The following ADNP variants were observed in gnomAD, a reference collection of about 807,000 sequenced individuals.
ADNP encodes the protein activity-dependent neuroprotector homeobox protein.
Under a neutral mutation model 84.9 loss-of-function variants are expected in ADNP, and 4 were observed. That is an observed-to-expected ratio of 0.05 (90% CI 0.02 to 0.11). ADNP has a LOEUF of 0.11. ADNP is among the 10% of genes least tolerant of loss of function. ADNP has a pLI of 1.00. For synonymous variants in ADNP, 554 were observed against 468.1 expected, an observed-to-expected ratio of 1.18 and a Z score of -2.37; for missense variants, 1,132 against 1,326.0, an observed-to-expected ratio of 0.85 and a Z score of 2.27.
At chr20:50,904,184 C>T (rs191694304) in intron 3 of ADNP, 183 bp from the exon 4 acceptor site, 11 of 574,812 alleles carry the variant, frequency 1.9e-5, no homozygotes, top group African/African-American at 1.5e-4. Context: ...TTGATATATC[C>T]ATCCATCCAT....
intron 1 of ADNP, among the ~76,000 whole-genome samples, chr20:50,930,282 T>G (rs1984600733): frequency 6.6e-6 from 1 of 152,092 alleles, no homozygotes; most frequent in African/African-American, 2.4e-5. Context: ...AGAGGAAAGC[T>G]GGCAGGTTGG....
chr20:50,896,927 C>T (rs1174452223), intron 5 of ADNP, among the ~76,000 whole-genome samples: 2 of 152,026 alleles, frequency 1.3e-5, no homozygotes, highest in East Asian at 1.9e-4. Context: ...TATTGAGATC[C>T]ATGTTTTCAA....
chr20:50,892,153 GAATCCT>G lies in ADNP; in HGVS notation c.2555_2560del (p.Lys852_Ser854delinsThr). 2 of 1,614,040 alleles carry G rather than the reference GAATCCT, an allele frequency of 1.2e-6. No homozygotes were observed. Among genetic ancestry groups the G allele is most frequent in the Non-Finnish European group, 1.7e-6 (2 of 1,180,022 alleles). On this transcript the variant is annotated inframe_deletion, in exon 6 of 6. Transcript: ENST00000621696. ...AGCAGTCTTACTAGCATTGACTCTG[GAATCCT>G]TCTCATCATGATTTTCAAATAGCCA...
intron 2 of ADNP, among the ~76,000 whole-genome samples, chr20:50,917,253 A>T (rs768109301): frequency 1.1e-4 from 17 of 152,240 alleles, no homozygotes; most frequent in Non-Finnish European, 1.8e-4. Context: ...TCAAAAATTA[A>T]AAGGCTCAGC....
At chr20:50,925,434 A>G (rs777380056) in intron 2 of ADNP, among the ~76,000 whole-genome samples, 2 of 152,202 alleles carry the variant, frequency 1.3e-5, no homozygotes, top group South Asian at 2.1e-4. Flanking sequence ...AGGTCATAAC[A>G]TAACGCAGGT....
chr20:50,903,214 CAACA>C (rs1982154807), intron 4 of ADNP, among the ~76,000 whole-genome samples: 1 of 151,994 alleles, frequency 6.6e-6, no homozygotes, highest in Non-Finnish European at 1.5e-5. Context: ...GGGCTCTGAC[CAACA>C]AACCATAAGA....
chr20:50,908,035 G>A (rs530696344), intron 2 of ADNP, among the ~76,000 whole-genome samples: 2 of 151,886 alleles, frequency 1.3e-5, no homozygotes, highest in African/African-American at 4.8e-5. Flanking sequence ...AACAAAGTGT[G>A]CCCTCCATGC....
In ADNP at chr20:50,889,503, C is replaced by T. The variant is rs898327541; in HGVS notation, c.*1902G>A. On this transcript the variant is annotated 3_prime_UTR_variant, in exon 6 of 6. Coordinates refer to ENST00000621696, the MANE Select transcript of ADNP (RefSeq NM_001282531.3). The stretch of plus-strand genomic sequence containing the variant: ...AATTCCTTAAAGGTTCTAGTCTACT[C>T]TTGCACTTCTTCCTGTACTGTTGTT... The T allele has an allele frequency of 1.1e-5, 2 of 184,982 alleles. No individual in the cohort carries two copies. Among genetic ancestry groups the T allele is most frequent in the Non-Finnish European group, 1.1e-5 (1 of 90,024 alleles). The allele number at this position is 184,982 out of a possible 1,614,324, so 11.5% of individuals were successfully genotyped here.
chr20:50,923,819 C>CT (rs1398105033), intron 2 of ADNP, among the ~76,000 whole-genome samples: 1 of 152,182 alleles, frequency 6.6e-6, no homozygotes, highest in Middle Eastern at 3.2e-3. Flanking sequence ...CACCCATCCT[C>CT]TTGTTGCTGT....
chr20:50,918,171 T>A lies in ADNP; in HGVS notation c.-90+10480A>T, dbSNP rs1487168618. Among the ~76,000 whole-genome samples, 2 of 152,174 alleles carry A rather than the reference T, an allele frequency of 1.3e-5. 1 individual carries two copies. The highest frequency in any genetic ancestry group is 1.3e-4 in the Admixed American group (2 of 15,278). ...CAATTAAAAATAAACACATTCTTTT[T>A]TTTTAAAGTGGCTACTGGGAAATTT... is the stretch of plus-strand genomic sequence containing the variant. On this transcript the variant is annotated intron_variant, in intron 2 of 5. Transcript: ENST00000621696.
At chr20:50,921,453 G>A (rs1983950890) in intron 2 of ADNP, among the ~76,000 whole-genome samples, 1 of 152,168 alleles carries the variant, frequency 6.6e-6, no homozygotes. Context: ...AAACATAAAG[G>A]TGTCATCTAG....
At position 50,907,245 on chromosome 20, in the gene ADNP, T is replaced by A. The variant is rs182866586; in HGVS notation, c.-89-2396A>T. 3.8e-3 allele frequency among the ~76,000 whole-genome samples: 577 copies of A among 151,094 alleles called. 5 individuals carry two copies. The highest frequency in any genetic ancestry group is 0.014 in the African/African-American group (561 of 41,134). On this transcript the variant is annotated intron_variant, in intron 2 of 5. Coordinates refer to ENST00000621696, the MANE Select transcript of ADNP (RefSeq NM_001282531.3). ...CGCCCATCTCAGCCTCCCAAAGTGC[T>A]GGGATTACAGCCACCGCGCCCGGCA...
chr20:50,899,425 G>GGTCTCGAA (rs891231773), intron 5 of ADNP, among the ~76,000 whole-genome samples: 1 of 152,068 alleles, frequency 6.6e-6, no homozygotes, highest in Non-Finnish European at 1.5e-5. Context: ...TGGCCAGGCT[G>GGTCTCGAA]GTCTCGAACT....
intron 2 of ADNP, among the ~76,000 whole-genome samples, chr20:50,906,684 G>A (rs1982502458): frequency 6.6e-6 from 1 of 152,212 alleles, no homozygotes; most frequent in Non-Finnish European, 1.5e-5. Flanking sequence ...GTCGGTTTAA[G>A]ACATTAAGAT....
At chr20:50,913,831 G>C (rs1411755588) in intron 2 of ADNP, 4 of 518,946 alleles carry the variant, frequency 7.7e-6, no homozygotes, top group Non-Finnish European at 1.5e-5. Context: ...CTGGCTATGA[G>C]AACTGACCAG....
chr20:50,913,863 G>A, intron 2 of ADNP: 1 of 575,684 alleles, frequency 1.7e-6, no homozygotes, highest in Non-Finnish European at 3.3e-6. Context: ...ATTGCATTGG[G>A]CATGCTCAGC....
intron 2 of ADNP, among the ~76,000 whole-genome samples, chr20:50,925,373 G>C (rs780964723): frequency 4.6e-5 from 7 of 152,008 alleles, no homozygotes; most frequent in Non-Finnish European, 1.0e-4. Context: ...CAGTGAAGCA[G>C]AATATGAATT....
chr20:50,889,372 AG>A lies in ADNP; in HGVS notation c.*2032del, dbSNP rs1310108125. 1 of 152,304 alleles carries A rather than the reference AG, an allele frequency of 6.6e-6. No individual in the cohort carries two copies. The highest frequency in any genetic ancestry group is 1.5e-5 in the Non-Finnish European group (1 of 68,106). 9.4% of individuals were successfully genotyped at this position (152,304 alleles called of 1,614,324 possible). A position where few individuals can be genotyped will look rare whatever the true frequency, so the allele number is the denominator to read the frequency against. On this transcript the variant is annotated 3_prime_UTR_variant, in exon 6 of 6. Transcript: ENST00000621696. ...GGTTATTTCTGATTTGGTAATCTGT[AG>A]TATCTTAATTTGGGGACATCCTGTC...
chr20:50,929,842 C>T (rs535160410), intron 1 of ADNP, among the ~76,000 whole-genome samples: 1 of 152,212 alleles, frequency 6.6e-6, no homozygotes, highest in South Asian at 2.1e-4. Context: ...TTCTTTTTCC[C>T]TCCTAAGCCT....
Sources: gnomAD v4.1 joint callset for allele counts (sites outside exome capture counted in the v4.1 genomes callset) on GRCh38, gnomAD v4.1.1 for gene constraint, MANE v1.5 for transcripts, NCBI Gene and HGNC (gene_info 2026-07-23, HGNC 2026-07-21) for gene names.